The following DMPK variants were observed in gnomAD, a reference collection of about 807,000 sequenced individuals.
The protein encoded by DMPK is DM1 protein kinase, also known as myotonin-protein kinase.
In DMPK, 32 loss-of-function variants were observed where a neutral mutation model predicts 70.3. The observed-to-expected ratio is 0.46, with a 90% CI of 0.34 to 0.61. The LOEUF (loss-of-function observed/expected upper bound fraction) is 0.61, where lower values mean the gene tolerates loss of function less well. DMPK is among the 20% of genes least tolerant of loss of function. The probability of loss-of-function intolerance (pLI) is 0.01; values close to 1 mark genes in which losing one functional copy is unlikely to be tolerated. For missense variants in DMPK, 899 were observed against 886.0 expected (o/e 1.01, Z -0.19); for synonymous variants, 469 against 390.9 (o/e 1.20, Z -2.36).
intron 13 of DMPK, 114 bp downstream of exon 13, chr19:45,771,236 A>G (rs1231914956): frequency 8.5e-6 from 12 of 1,409,968 alleles, no homozygotes; most frequent in South Asian, 1.4e-5. Flanking sequence ...TCTGCCCTCT[A>G]AAGTCGCAAA....
chr19:45,779,553 ACGG>A (rs1173672667), intron 2 of DMPK, 31 bp from the exon 3 acceptor site: 1 of 1,612,826 alleles, frequency 6.2e-7, no homozygotes, highest in South Asian at 1.1e-5. Flanking sequence ...CAGAGTGGAG[ACGG>A]CGGGAAAACA....
At chr19:45,779,402 G>A (rs1969976537) in intron 3 of DMPK, 37 bp downstream of exon 3, 2 of 1,613,804 alleles carry the variant, frequency 1.2e-6, no homozygotes, top group Non-Finnish European at 1.7e-6. Flanking sequence ...ACGGGGCGCG[G>A]ATCCTCAAAG....
At chr19:45,770,757 A>C in intron 14 of DMPK, 117 bp from the exon 15 acceptor site, 2 of 1,253,166 alleles carry the variant, frequency 1.6e-6, no homozygotes, top group African/African-American at 1.5e-5. Context: ...CCCCCGCCCC[A>C]ACAGCCTACA....
chr19:45,779,926 A>T lies in DMPK; in HGVS notation c.161-57T>A, dbSNP rs758395409. ...GTCACCAGAAAGGGCACTGGAGACA[A>T]GGGGGAAAGCCCCACCCTCTGTCTG... On this transcript the variant is annotated intron_variant, in intron 1 of 14. Coordinates refer to ENST00000291270, the MANE Select transcript of DMPK (RefSeq NM_004409.5). The T allele has an allele frequency of 5.6e-6, 9 of 1,612,528 alleles. No individual in the cohort carries two copies. The African/African-American group carries it at 1.1e-4, about 19-fold the overall frequency.
At chr19:45,771,717 C>T (rs1360564111) in intron 11 of DMPK, 52 bp from the exon 12 acceptor site, 8 of 1,608,654 alleles carry the variant, frequency 5.0e-6, no homozygotes, top group East Asian at 2.2e-5. Flanking sequence ...AGAGGGGATG[C>T]CAAGGGTTGC....
chr19:45,775,169 CTTTT>C, intron 8 of DMPK, 135 bp from the exon 9 acceptor site: 1 of 656,846 alleles, frequency 1.5e-6, no homozygotes, highest in Non-Finnish European at 2.6e-6. Context: ...AGCATTTTTT[CTTTT>C]TTCTTTTTCT....
chr19:45,778,727 AC>A, intron 4 of DMPK, 86 bp from the exon 5 acceptor site: 3 of 1,418,194 alleles, frequency 2.1e-6, no homozygotes, highest in Admixed American at 2.0e-5. Flanking sequence ...TCCCAGAGAC[AC>A]CCCATCCTTG....
chr19:45,779,544 A>C, intron 2 of DMPK, 22 bp from the exon 3 acceptor site: 1 of 1,613,470 alleles, frequency 6.2e-7, no homozygotes, highest in Non-Finnish European at 8.5e-7. Context: ...ATAGTGAGAC[A>C]GAGTGGAGAC....
At chr19:45,780,061 G>A (rs1369047363) in intron 1 of DMPK, 192 bp from the exon 2 acceptor site, 2 of 1,523,632 alleles carry the variant, frequency 1.3e-6, no homozygotes, top group Non-Finnish European at 1.8e-6. Flanking sequence ...CCCTCCCATA[G>A]AGGTGAGATG....
chr19:45,778,487 A>G lies in DMPK; in HGVS notation c.581+6T>C, dbSNP rs1799894. The G allele has an allele frequency of 0.49, 792,296 of 1,612,250 alleles. 199,459 individuals carry two copies. Among genetic ancestry groups the G allele is most frequent in the East Asian group, 0.67 (29,982 of 44,824 alleles). On this transcript the variant is annotated splice_donor_region_variant and intron_variant, in intron 5 of 14. Coordinates refer to ENST00000291270, the MANE Select transcript of DMPK (RefSeq NM_004409.5). Reference sequence around the variant, plus strand: ...CTTGCTATCCCCTCGGCCATGCTGCACCCACCTGTGCACGTAGCCAAGCCG... The same window carrying G: ...CTTGCTATCCCCTCGGCCATGCTGCGCCCACCTGTGCACGTAGCCAAGCCG...
intron 10 of DMPK, 69 bp from the exon 11 acceptor site, chr19:45,771,997 C>T (rs929965046): frequency 4.7e-6 from 7 of 1,475,972 alleles, no homozygotes; most frequent in African/African-American, 1.4e-5. Context: ...GCACTGGTTC[C>T]AGGCTAGGAA....
chr19:45,772,056 C>T (rs1969492698), intron 10 of DMPK, 128 bp from the exon 11 acceptor site: 35 of 1,255,884 alleles, frequency 2.8e-5, no homozygotes, highest in Non-Finnish European at 3.6e-5. Flanking sequence ...TCTGGAATCC[C>T]CATAGCTCCT....
In DMPK at chr19:45,772,758, G is replaced by A. The variant is rs971450156; in HGVS notation, c.1233-6C>T. 1.2e-5 allele frequency: 18 copies of A among 1,452,770 alleles called. No individual in the cohort carries two copies. In the Admixed American group the frequency reaches 2.3e-4, roughly 19 times the overall value. 90.0% of individuals were successfully genotyped at this position (1,452,770 alleles called of 1,614,324 possible). ...GGCCTGGGACCTCACTGTCCCTGGG[G>A]AGAGGAGGAGGGAGTGGGGAGGGAG... On this transcript the variant is annotated splice_polypyrimidine_tract_variant and splice_region_variant and intron_variant, in intron 9 of 14. Transcript: ENST00000291270.
chr19:45,781,247 T>TA, intron 1 of DMPK, among the ~76,000 whole-genome samples: 1 of 152,028 alleles, frequency 6.6e-6, no homozygotes, highest in African/African-American at 2.4e-5. Flanking sequence ...GGGCCAGACA[T>TA]ATGAGGGCCA....
intron 1 of DMPK, among the ~76,000 whole-genome samples, chr19:45,780,971 C>T (rs1247834916): frequency 1.3e-5 from 2 of 152,110 alleles, no homozygotes; most frequent in African/African-American, 4.8e-5. Context: ...ACCCTGCCAA[C>T]CCAACTTCAT....
chr19:45,772,865 A>G, intron 9 of DMPK, 113 bp from the exon 10 acceptor site: 2 of 540,918 alleles, frequency 3.7e-6, no homozygotes, highest in Non-Finnish European at 6.2e-6. Context: ...TCCTGATTTG[A>G]GGAAGGGGAG....
At chr19:45,775,562 A>G (rs1163770188) in intron 8 of DMPK, among the ~76,000 whole-genome samples, 2 of 105,406 alleles carry the variant, frequency 1.9e-5, no homozygotes, top group African/African-American at 3.3e-5. Flanking sequence ...CTCCCAGCCT[A>G]GAGTGCAGTG....
Position 45,770,590 on chromosome 19 carries a change from A to G in DMPK, c.1788T>C (p.Val596=). 6.4e-7 allele frequency: 1 copy of G among 1,552,620 alleles called. No individual in the cohort carries two copies. Among genetic ancestry groups the G allele is most frequent in the Non-Finnish European group, 8.7e-7 (1 of 1,148,070 alleles). The change falls in exon 15 of 15, where the codon GTT becomes GTC. Residue 596 remains valine, a synonymous_variant. Transcript: ENST00000291270. ...SEALSLLLFA[V]VLSRAAALGC... Reference sequence around the variant, plus strand: ...CCAGGGCGGCGGCACGAGACAGAACAACGGCGAACAGGAGCAGGGAAAGCG... The same window carrying G: ...CCAGGGCGGCGGCACGAGACAGAACGACGGCGAACAGGAGCAGGGAAAGCG...
Position 45,770,239 on chromosome 19 carries a change from AGCAGCAGCAGCAGCAGCAG to A in DMPK, c.*230_*248del. 2.2e-6 allele frequency: 1 copy of A among 454,108 alleles called. No homozygotes were observed. Among genetic ancestry groups the A allele is most frequent in the East Asian group, 4.4e-5 (1 of 22,554 alleles). 28.1% of individuals were successfully genotyped at this position (454,108 alleles called of 1,614,324 possible). On this transcript the variant is annotated 3_prime_UTR_variant, in exon 15 of 15. Coordinates refer to ENST00000291270, the MANE Select transcript of DMPK (RefSeq NM_004409.5). ...CAGCAGCAGCAGCAGCAGCAGCAGC[AGCAGCAGCAGCAGCAGCAG>A]CAGCAGCATTCCCGGCTACAAGGAC...
Sources: allele counts gnomAD v4.1 joint callset (sites outside exome capture counted in the v4.1 genomes callset), GRCh38; gene constraint gnomAD v4.1.1; transcripts MANE v1.5; gene names NCBI Gene and HGNC (gene_info 2026-07-23, HGNC 2026-07-21).